NLRP2B: variants seen among roughly 807,000 people sequenced by gnomAD.
The protein encoded by NLRP2B is NLR family pyrin domain-containing protein 2B.
For missense variants in NLRP2B, 25 were observed against 6.8 expected (o/e 3.70, Z -3.00); for synonymous variants, 16 against 3.5 (o/e 4.63, Z -4.03).
chrX:57,679,097 C>A lies in NLRP2B; in HGVS notation c.*1026G>T. 2.3e-6 allele frequency: 1 copy of A among 444,324 alleles called. No homozygotes were observed. The highest frequency in any genetic ancestry group is 4.9e-5 in the East Asian group (1 of 20,221). 36.6% of individuals were successfully genotyped at this position (444,324 alleles called of 1,213,427 possible). The stretch of plus-strand genomic sequence containing the variant: ...GTGCCGAGACAGGCTGGAACAGGGC[C>A]GCGTTTCTTCTCATCAGCTCAAAGG... On this transcript the variant is annotated 3_prime_UTR_variant, in exon 1 of 1. Transcript: ENST00000434992.
rs370096143 is a variant in NLRP2B, at chrX:57,678,457, G to A, written c.*1666C>T. 13 of 517,259 alleles carry A rather than the reference G, an allele frequency of 2.5e-5. 1 individual carries two copies. The highest frequency in any genetic ancestry group is 7.9e-5 in the Admixed American group (3 of 37,736). 42.6% of individuals were successfully genotyped at this position (517,259 alleles called of 1,213,427 possible). A position where few individuals can be genotyped will look rare whatever the true frequency, so the allele number is the denominator to read the frequency against. ...GTACAGACAGCACAAGAGCTCCTTC[G>A]GGTTCATCATTGTTGAGTGTCCAAC... On this transcript the variant is annotated 3_prime_UTR_variant, in exon 1 of 1. Coordinates refer to ENST00000434992, the MANE Select transcript of NLRP2B (RefSeq NM_001319967.1).
At position 57,678,825 on chromosome X, in the gene NLRP2B, G is replaced by T; in HGVS notation, c.*1298C>A. On this transcript the variant is annotated 3_prime_UTR_variant, in exon 1 of 1. Transcript: ENST00000434992. ...CCTGGCGGAGGATGTCTCTGTCCAG[G>T]GACGGGCGGATGTTGAACTCCTGCA... 2.7e-6 allele frequency: 1 copy of T among 369,115 alleles called. No homozygotes were observed. The highest frequency in any genetic ancestry group is 6.1e-5 in the East Asian group (1 of 16,417). 30.4% of individuals were successfully genotyped at this position (369,115 alleles called of 1,213,427 possible).
At position 57,678,085 on chromosome X, in the gene NLRP2B, T is replaced by C. The variant is rs372575367; in HGVS notation, c.*2038A>G. 2.1e-6 allele frequency: 1 copy of C among 465,355 alleles called. No individual in the cohort carries two copies. Among genetic ancestry groups the C allele is most frequent in the Admixed American group, 3.0e-5 (1 of 32,964 alleles). 38.4% of individuals were successfully genotyped at this position (465,355 alleles called of 1,213,427 possible). On this transcript the variant is annotated 3_prime_UTR_variant, in exon 1 of 1. Transcript: ENST00000434992. The stretch of plus-strand genomic sequence containing the variant: ...CATCACTCTCTGGAGACGACAGGTG[T>C]CAGAAGCTATTTGTTCACACAGGAT...
rs1217135927 is a variant in NLRP2B at position 57,679,989 on chromosome X, T to C, written c.*134A>G. The C allele has an allele frequency of 2.2e-5, 7 of 323,866 alleles. No homozygotes were observed. Among genetic ancestry groups the C allele is most frequent in the Middle Eastern group, 4.2e-4 (1 of 2,407 alleles). 26.7% of individuals were successfully genotyped at this position (323,866 alleles called of 1,213,427 possible). A position where few individuals can be genotyped will look rare whatever the true frequency, so the allele number is the denominator to read the frequency against. On this transcript the variant is annotated 3_prime_UTR_variant, in exon 1 of 1. Coordinates refer to ENST00000434992, the MANE Select transcript of NLRP2B (RefSeq NM_001319967.1). ...TGATTTCAAAGTGTCTTCTCTGAGT[T>C]CATCCTTTACTTTCTCAGACAGATC...
Position 57,677,607 on chromosome X carries a change from C to T in NLRP2B, c.*2516G>A, listed in dbSNP as rs970034007. 78 of 299,696 alleles carry T rather than the reference C, an allele frequency of 2.6e-4. No individual in the cohort carries two copies. In the Admixed American group the frequency reaches 3.2e-3, roughly 12 times the overall value. The allele number at this position is 299,696 out of a possible 1,213,427, so 24.7% of individuals were successfully genotyped here. ...TCAAACCCTTACACAGAAACATCAC[C>T]CATGTATCCCCGAGTGGGGGGTTCT... On this transcript the variant is annotated 3_prime_UTR_variant, in exon 1 of 1. Transcript: ENST00000434992.
chrX:57,679,103 T>G lies in NLRP2B; in HGVS notation c.*1020A>C, dbSNP rs2011742512. ...AGACAGGCTGGAACAGGGCCGCGTT[T>G]CTTCTCATCAGCTCAAAGGCACACA... On this transcript the variant is annotated 3_prime_UTR_variant, in exon 1 of 1. Transcript: ENST00000434992. 2.2e-6 allele frequency: 1 copy of G among 452,120 alleles called. No individual in the cohort carries two copies. Among genetic ancestry groups the G allele is most frequent in the African/African-American group, 2.4e-5 (1 of 41,368 alleles). 37.3% of individuals were successfully genotyped at this position (452,120 alleles called of 1,213,427 possible).
Position 57,679,283 on chromosome X carries a change from G to A in NLRP2B, c.*840C>T. ...GTGGTGACCAGCACGGCGGCCCTGG[G>A]TAAAATCTTCCTCTTCAGTAACCTC... is the stretch of plus-strand genomic sequence containing the variant. On this transcript the variant is annotated 3_prime_UTR_variant, in exon 1 of 1. Coordinates refer to ENST00000434992, the MANE Select transcript of NLRP2B (RefSeq NM_001319967.1). 2.1e-6 allele frequency: 1 copy of A among 487,036 alleles called. No homozygotes were observed. The allele number at this position is 487,036 out of a possible 1,213,427, so 40.1% of individuals were successfully genotyped here. A position where few individuals can be genotyped will look rare whatever the true frequency, so the allele number is the denominator to read the frequency against.
Position 57,677,961 on chromosome X carries a change from C to G in NLRP2B, c.*2162G>C. The G allele has an allele frequency of 2.1e-6, 1 of 475,841 alleles. No individual in the cohort carries two copies. The highest frequency in any genetic ancestry group is 3.9e-6 in the Non-Finnish European group (1 of 258,454). 39.2% of individuals were successfully genotyped at this position (475,841 alleles called of 1,213,427 possible). ...TACACAATGCAGGAAGCATATCATT[C>G]TGGTCATTGCCTTGAAGGGTCAGAT... On this transcript the variant is annotated 3_prime_UTR_variant, in exon 1 of 1. Coordinates refer to ENST00000434992, the MANE Select transcript of NLRP2B (RefSeq NM_001319967.1).
At position 57,678,442 on chromosome X, in the gene NLRP2B, C is replaced by T; in HGVS notation, c.*1681G>A. The T allele has an allele frequency of 1.9e-6, 1 of 520,291 alleles. No homozygotes were observed. The highest frequency in any genetic ancestry group is 3.5e-6 in the Non-Finnish European group (1 of 282,526). 42.9% of individuals were successfully genotyped at this position (520,291 alleles called of 1,213,427 possible). A position where few individuals can be genotyped will look rare whatever the true frequency, so the allele number is the denominator to read the frequency against. ...CTCCTCCTGAGACTCGTACAGACAGCACAAGAGCTCCTTCGGGTTCATCAT... is the reference window on the plus strand; with the variant it reads ...CTCCTCCTGAGACTCGTACAGACAGTACAAGAGCTCCTTCGGGTTCATCAT... On this transcript the variant is annotated 3_prime_UTR_variant, in exon 1 of 1. Transcript: ENST00000434992.
Position 57,677,115 on chromosome X carries a change from T to A in NLRP2B, c.*3008A>T, listed in dbSNP as rs1455190437. On this transcript the variant is annotated 3_prime_UTR_variant, in exon 1 of 1. Coordinates refer to ENST00000434992, the MANE Select transcript of NLRP2B (RefSeq NM_001319967.1). The stretch of plus-strand genomic sequence containing the variant: ...GCCTTTTTTCCCCCCCAAAGGATCA[T>A]GTTTCTCAGTTATCAGCAGGCAGTT... 3.5e-6 allele frequency: 1 copy of A among 289,844 alleles called. No homozygotes were observed. Among genetic ancestry groups the A allele is most frequent in the Non-Finnish European group, 6.6e-6 (1 of 152,432 alleles). 23.9% of individuals were successfully genotyped at this position (289,844 alleles called of 1,213,427 possible).
In NLRP2B at chrX:57,679,454, C is replaced by G. The variant is rs1182095768; in HGVS notation, c.*669G>C. ...TGGGCTAGGATGTTTGGAATGTCAT[C>G]CTGCAATTCAGGCCAGTTCCTGAAG... On this transcript the variant is annotated 3_prime_UTR_variant, in exon 1 of 1. Transcript: ENST00000434992. 3.0e-6 allele frequency: 3 copies of G among 995,433 alleles called. No homozygotes were observed. The highest frequency in any genetic ancestry group is 2.8e-6 in the Non-Finnish European group (2 of 702,160). The allele number at this position is 995,433 out of a possible 1,213,427, so 82.0% of individuals were successfully genotyped here. A position where few individuals can be genotyped will look rare whatever the true frequency, so the allele number is the denominator to read the frequency against.
chrX:57,677,284 T>C lies in NLRP2B; in HGVS notation c.*2839A>G. 2.6e-6 allele frequency: 1 copy of C among 389,272 alleles called. No homozygotes were observed. The highest frequency in any genetic ancestry group is 2.3e-5 in the South Asian group (1 of 43,153). The allele number at this position is 389,272 out of a possible 1,213,427, so 32.1% of individuals were successfully genotyped here. ...CTTTACTCCACTAGACCCCAAGGGA[T>C]TCTGGCTCAGGTCCAGAACGACGAG... On this transcript the variant is annotated 3_prime_UTR_variant, in exon 1 of 1. Coordinates refer to ENST00000434992, the MANE Select transcript of NLRP2B (RefSeq NM_001319967.1).
Position 57,678,600 on chromosome X carries a change from G to C in NLRP2B, c.*1523C>G, listed in dbSNP as rs1426948006. The C allele has an allele frequency of 2.1e-5, 10 of 476,094 alleles. No homozygotes were observed. The highest frequency in any genetic ancestry group is 3.9e-5 in the Non-Finnish European group (10 of 258,821). The allele number at this position is 476,094 out of a possible 1,213,427, so 39.2% of individuals were successfully genotyped here. ...TCTCGTTGGCGAAGCCGAATAAGAA[G>C]TGTCTTGCTTGGATCAGGTCGGGGT... is the stretch of plus-strand genomic sequence containing the variant. On this transcript the variant is annotated 3_prime_UTR_variant, in exon 1 of 1. Coordinates refer to ENST00000434992, the MANE Select transcript of NLRP2B (RefSeq NM_001319967.1).
At position 57,677,418 on chromosome X, in the gene NLRP2B, C is replaced by G. The variant is rs1569419730; in HGVS notation, c.*2705G>C. The G allele has an allele frequency of 5.8e-6, 2 of 345,093 alleles. No homozygotes were observed. The highest frequency in any genetic ancestry group is 1.1e-5 in the Non-Finnish European group (2 of 178,915). 28.4% of individuals were successfully genotyped at this position (345,093 alleles called of 1,213,427 possible). ...AGTTACACAGTGGTTTCTTCAAAGC[C>G]TCACATAGGAGCTTCACTCCAGTAA... On this transcript the variant is annotated 3_prime_UTR_variant, in exon 1 of 1. Transcript: ENST00000434992.
In NLRP2B at chrX:57,677,832, G is replaced by A; in HGVS notation, c.*2291C>T. 1 of 438,460 alleles carries A rather than the reference G, an allele frequency of 2.3e-6. No homozygotes were observed. Among genetic ancestry groups the A allele is most frequent in the Admixed American group, 2.6e-5 (1 of 38,068 alleles). The allele number at this position is 438,460 out of a possible 1,213,427, so 36.1% of individuals were successfully genotyped here. ...AGAGGTTTACACATGTCAGGGACTG[G>A]TTGACTTCAAGGGCCAAGGAGAGAT... On this transcript the variant is annotated 3_prime_UTR_variant, in exon 1 of 1. Coordinates refer to ENST00000434992, the MANE Select transcript of NLRP2B (RefSeq NM_001319967.1).
In NLRP2B at chrX:57,678,575, T is replaced by A; in HGVS notation, c.*1548A>T. The A allele has an allele frequency of 2.0e-6, 1 of 489,661 alleles. No homozygotes were observed. Among genetic ancestry groups the A allele is most frequent in the South Asian group, 2.8e-5 (1 of 36,356 alleles). 40.4% of individuals were successfully genotyped at this position (489,661 alleles called of 1,213,427 possible). On this transcript the variant is annotated 3_prime_UTR_variant, in exon 1 of 1. Transcript: ENST00000434992. ...GTGGTCTCCAACTCCTTGGCTTTCT[T>A]CTCGTTGGCGAAGCCGAATAAGAAG...
chrX:57,678,712 TCC>T lies in NLRP2B; in HGVS notation c.*1409_*1410del. Reference sequence around the variant, plus strand: ...GTCCTTGTCCTCCTCCTCCTCCTCCTCCTCCTTCTCCAGGGCGTGGAACAGCA... The same window carrying T: ...GTCCTTGTCCTCCTCCTCCTCCTCCTTCCTTCTCCAGGGCGTGGAACAGCA... On this transcript the variant is annotated 3_prime_UTR_variant, in exon 1 of 1. Transcript: ENST00000434992. 1 of 400,346 alleles carries T rather than the reference TCC, an allele frequency of 2.5e-6. No individual in the cohort carries two copies. Among genetic ancestry groups the T allele is most frequent in the African/African-American group, 2.5e-5 (1 of 40,272 alleles). The allele number at this position is 400,346 out of a possible 1,213,427, so 33.0% of individuals were successfully genotyped here.
At position 57,678,330 on chromosome X, in the gene NLRP2B, G is replaced by C; in HGVS notation, c.*1793C>G. 1 of 538,332 alleles carries C rather than the reference G, an allele frequency of 1.9e-6. No homozygotes were observed. Among genetic ancestry groups the C allele is most frequent in the East Asian group, 3.4e-5 (1 of 29,498 alleles). The allele number at this position is 538,332 out of a possible 1,213,427, so 44.4% of individuals were successfully genotyped here. On this transcript the variant is annotated 3_prime_UTR_variant, in exon 1 of 1. Coordinates refer to ENST00000434992, the MANE Select transcript of NLRP2B (RefSeq NM_001319967.1). ...TTTTCTGCAAGTTTCGACAATGCTT[G>C]AGGCAGATTGAAAACAGCATAATGT...
In NLRP2B at chrX:57,677,486, AT is replaced by A; in HGVS notation, c.*2636del. 1 of 339,178 alleles carries A rather than the reference AT, an allele frequency of 2.9e-6. No individual in the cohort carries two copies. Among genetic ancestry groups the A allele is most frequent in the Non-Finnish European group, 5.6e-6 (1 of 177,345 alleles). The allele number at this position is 339,178 out of a possible 1,213,427, so 28.0% of individuals were successfully genotyped here. Reference sequence around the variant, plus strand: ...CCCAGATCCAAGCACATTAGGCTTGATTTTTCTTGGAGAAGCTCTGCGAGAT... The same window carrying A: ...CCCAGATCCAAGCACATTAGGCTTGATTTTCTTGGAGAAGCTCTGCGAGAT... On this transcript the variant is annotated 3_prime_UTR_variant, in exon 1 of 1. Transcript: ENST00000434992.
Sources: allele counts gnomAD v4.1 joint callset, GRCh38; gene constraint gnomAD v4.1.1; transcripts MANE v1.5; gene names NCBI Gene and HGNC (gene_info 2026-07-23, HGNC 2026-07-21).